Variants in RBFOX3 observed in about 807,000 individuals in gnomAD.
RBFOX3 encodes the protein RNA binding protein fox-1 homolog 3.
In RBFOX3, 17 loss-of-function variants were observed where a neutral mutation model predicts 48.7. The ratio of observed to expected loss-of-function variants is 0.35; its 90% CI spans 0.24 to 0.52. The LOEUF is 0.52. Ranked by LOEUF, RBFOX3 falls within the 20% of genes least tolerant of loss-of-function variation. The pLI is 0.94. For missense variants in RBFOX3, 382 were observed against 497.5 expected, an observed-to-expected ratio of 0.77 and a Z score of 2.21; for synonymous variants, 212 against 209.5, an observed-to-expected ratio of 1.01 and a Z score of -0.10.
intron 1 of RBFOX3, chr17:79,601,155 C>T (rs1250372799): frequency 6.6e-6 from 1 of 152,282 alleles, no homozygotes; most frequent in African/African-American, 2.4e-5. Flanking sequence ...GGCTCCTGCT[C>T]TCAAGCAGCG....
At chr17:79,378,077 T>C (rs2059429656) in intron 2 of RBFOX3, among the ~76,000 whole-genome samples, 1 of 152,208 alleles carries the variant, frequency 6.6e-6, no homozygotes. Flanking sequence ...AAGGCACAAG[T>C]GCCCGGACCC....
chr17:79,555,601 G>A (rs998987320), intron 1 of RBFOX3, among the ~76,000 whole-genome samples: 2 of 328 alleles, frequency 6.1e-3, no homozygotes, highest in Non-Finnish European at 0.016. Flanking sequence ...AATGATAATG[G>A]TGGTGATGGC....
Position 79,541,258 on chromosome 17 carries a change from A to G in RBFOX3, c.-319-58660T>C, listed in dbSNP as rs754403559. ...ATAAATTAGATTCCAAGCTAAGGGT[A>G]TATTTATGCAATTTCATTATGTGCC... On this transcript the variant is annotated intron_variant, in intron 1 of 14. Transcript: ENST00000693108. Among the ~76,000 whole-genome samples the G allele has an allele frequency of 1.5e-4, 23 of 152,222 alleles. 1 individual carries two copies. Among genetic ancestry groups the G allele is most frequent in the Non-Finnish European group, 2.9e-4 (20 of 68,040 alleles).
chr17:79,536,254 T>G (rs1339132219), intron 1 of RBFOX3, among the ~76,000 whole-genome samples: 1 of 152,314 alleles, frequency 6.6e-6, no homozygotes, highest in East Asian at 1.9e-4. Flanking sequence ...ATTTTTATAT[T>G]TTCAGTGGAG....
At chr17:79,661,332 G>T in the RBFOX3 span, among the ~76,000 whole-genome samples, 8 of 152,028 alleles carry the variant, frequency 5.3e-5, no homozygotes, top group Non-Finnish European at 1.2e-4. Context: ...TTTCCATCTT[G>T]CCCATTTCTG....
intron 2 of RBFOX3, among the ~76,000 whole-genome samples, chr17:79,374,142 C>T (rs11870729): frequency 0.24 from 36,036 of 152,172 alleles, 5,539 homozygotes; most frequent in East Asian, 0.63. Flanking sequence ...CGATTACAGG[C>T]GTGAGCCACC....
At chr17:79,502,815 A>T (rs2082559177) in intron 1 of RBFOX3, among the ~76,000 whole-genome samples, 1 of 151,948 alleles carries the variant, frequency 6.6e-6, no homozygotes, top group Admixed American at 6.6e-5. Flanking sequence ...CGGCCTCCCC[A>T]CTCCCTGTCC....
In RBFOX3 at chr17:79,254,678, A is replaced by G. The variant is rs574254754; in HGVS notation, c.-73-18873T>C. Among the ~76,000 whole-genome samples, 2 of 152,184 alleles carry G rather than the reference A, an allele frequency of 1.3e-5. No individual in the cohort carries two copies. Among genetic ancestry groups the G allele is most frequent in the African/African-American group, 2.4e-5 (1 of 41,504 alleles). On this transcript the variant is annotated intron_variant, in intron 3 of 14. Coordinates refer to ENST00000693108, the MANE Select transcript of RBFOX3 (RefSeq NM_001350451.2). The surrounding 1 kb of genome is among the most constrained non-coding windows in gnomAD (Gnocchi z 4.8). ...TCTGAGCCCTCTTGGCGATTCGTAT[A>G]CTTGCCCCTCCATGCAGTGTCAGTC...
intron 2 of RBFOX3, among the ~76,000 whole-genome samples, chr17:79,398,011 G>A (rs1407919117): frequency 6.6e-6 from 1 of 152,176 alleles, no homozygotes; most frequent in Non-Finnish European, 1.5e-5. Flanking sequence ...GACAGCTTTA[G>A]GGTACAGACA....
chr17:79,163,123 C>T (rs2047298503), intron 4 of RBFOX3, among the ~76,000 whole-genome samples: 1 of 152,196 alleles, frequency 6.6e-6, no homozygotes, highest in South Asian at 2.1e-4. Context: ...AACTTCTGGC[C>T]AGGGTGTGGC....
intron 1 of RBFOX3, chr17:79,601,862 A>G (rs902013311): frequency 2.6e-4 from 40 of 152,318 alleles, no homozygotes; most frequent in African/African-American, 9.4e-4. Flanking sequence ...GGAGGTACCC[A>G]TGCGACACTC....
At chr17:79,582,141 T>C (rs1321693878) in intron 1 of RBFOX3, among the ~76,000 whole-genome samples, 12 of 138,066 alleles carry the variant, frequency 8.7e-5, no homozygotes, top group Admixed American at 5.1e-4. Flanking sequence ...TATGCATGCA[T>C]GTGCCTGCCC....
chr17:79,338,550 C>G lies in RBFOX3; in HGVS notation c.-174-30726G>C, dbSNP rs1377159609. 6.6e-5 allele frequency among the ~76,000 whole-genome samples: 10 copies of G among 152,304 alleles called. No homozygotes were observed. The East Asian group carries it at 1.7e-3, about 26-fold the overall frequency. On this transcript the variant is annotated intron_variant, in intron 2 of 14. Transcript: ENST00000693108. ...TTCAACTCCCTGAGGCACCGCACCG[C>G]TGCTATTAGCCTGAGAACTTATTTA... is the stretch of plus-strand genomic sequence containing the variant.
intron 1 of RBFOX3, among the ~76,000 whole-genome samples, chr17:79,562,751 C>T (rs1315819422): frequency 2.0e-5 from 3 of 152,192 alleles, no homozygotes; most frequent in African/African-American, 7.2e-5. Flanking sequence ...GGGGCCAGAA[C>T]CCTGCTGCCT....
At chr17:79,110,809 G>C (rs142727187) in intron 5 of RBFOX3, among the ~76,000 whole-genome samples, 3 of 152,212 alleles carry the variant, frequency 2.0e-5, no homozygotes, top group Non-Finnish European at 1.5e-5. Context: ...ACCGTGGCAC[G>C]GGCAGCCGAC....
At chr17:79,627,954 G>A in the RBFOX3 span, among the ~76,000 whole-genome samples, 1 of 144,566 alleles carries the variant, frequency 6.9e-6, no homozygotes, top group Non-Finnish European at 1.5e-5. Flanking sequence ...ACCTCTGTTT[G>A]AGCCCCCATC....
intron 3 of RBFOX3, among the ~76,000 whole-genome samples, chr17:79,284,958 G>A (rs538766591): frequency 1.3e-5 from 2 of 152,186 alleles, no homozygotes; most frequent in East Asian, 3.9e-4. Flanking sequence ...GGCAGACACA[G>A]AAGTAGACCT....
rs910473754 is a variant in RBFOX3, at chr17:79,519,100, C to T, written c.-319-36502G>A. 8.5e-5 allele frequency among the ~76,000 whole-genome samples: 13 copies of T among 152,276 alleles called. No individual in the cohort carries two copies. In the South Asian group the frequency reaches 2.3e-3, roughly 27 times the overall value. On this transcript the variant is annotated intron_variant, in intron 1 of 14. Coordinates refer to ENST00000693108, the MANE Select transcript of RBFOX3 (RefSeq NM_001350451.2). ...CACCGGGCCCCCGAAACAGATGCTCCGGAGGTAAACCAAGGAGCTGGGGAA... is the reference window on the plus strand; with the variant it reads ...CACCGGGCCCCCGAAACAGATGCTCTGGAGGTAAACCAAGGAGCTGGGGAA...
In RBFOX3 at chr17:79,395,368, G is replaced by A. The variant is rs144383288; in HGVS notation, c.-175+87086C>T. Among the ~76,000 whole-genome samples the A allele has an allele frequency of 5.9e-3, 899 of 152,322 alleles. 10 individuals are homozygous for A. Among genetic ancestry groups the A allele is most frequent in the African/African-American group, 0.02 (823 of 41,574 alleles). ...GTGGAGCCAACCACCGCTCAGTGCC[G>A]GGAGGAACCACACTTCCTGGGGACC... On this transcript the variant is annotated intron_variant, in intron 2 of 14. Transcript: ENST00000693108.
Sources: gnomAD v4.1 joint callset for allele counts (sites outside exome capture counted in the v4.1 genomes callset) on GRCh38, gnomAD v4.1.1 for gene constraint, Gnocchi (gnomAD v3.1) non-coding constraint, MANE v1.5 for transcripts, NCBI Gene and HGNC (gene_info 2026-07-23, HGNC 2026-07-21) for gene names.